The following SUGCT variants were observed in gnomAD, a reference collection of about 807,000 sequenced individuals.
SUGCT encodes succinyl-CoA:glutarate-CoA transferase, also known as succinyl-CoA:glutarate CoA-transferase.
SUGCT carries 41 observed loss-of-function variants against 55.0 expected under a neutral mutation model. The ratio of observed to expected loss-of-function variants is 0.74; its 90% CI spans 0.58 to 0.97. The LOEUF (loss-of-function observed/expected upper bound fraction) is 0.97. Ranked by LOEUF, SUGCT falls within the 50% of genes least tolerant of loss-of-function variation. The pLI, the probability that SUGCT is intolerant of heterozygous loss-of-function variation, is 0.00. For synonymous variants in SUGCT, 187 were observed against 200.4 expected, an observed-to-expected ratio of 0.93 and a Z score of 0.56; for missense variants, 568 against 547.8, an observed-to-expected ratio of 1.04 and a Z score of -0.37.
intron 13 of SUGCT, among the ~76,000 whole-genome samples, chr7:40,845,877 T>C (rs1210040424): frequency 2.0e-5 from 3 of 152,194 alleles, no homozygotes; most frequent in African/African-American, 4.8e-5. Flanking sequence ...TCTTTTACTA[T>C]AGTGACTAAA....
chr7:40,426,914 A>G (rs1787618177), intron 9 of SUGCT, among the ~76,000 whole-genome samples: 1 of 152,080 alleles, frequency 6.6e-6, no homozygotes, highest in Admixed American at 6.6e-5. Flanking sequence ...GCTGGACTCT[A>G]GCAATCCTCC....
chr7:40,934,361 C>G, the SUGCT span, among the ~76,000 whole-genome samples: 1 of 152,202 alleles, frequency 6.6e-6, no homozygotes, highest in Non-Finnish European at 1.5e-5. Context: ...TCGGCCCCTA[C>G]TGGGAGGTGT....
At chr7:40,423,757 A>G (rs997831395) in intron 9 of SUGCT, among the ~76,000 whole-genome samples, 1 of 152,160 alleles carries the variant, frequency 6.6e-6, no homozygotes, top group Admixed American at 6.6e-5. Flanking sequence ...GTAATGGAAA[A>G]TTAATGTTGC....
intron 12 of SUGCT, among the ~76,000 whole-genome samples, chr7:40,544,841 G>A (rs538743706): frequency 5.9e-5 from 9 of 152,248 alleles, no homozygotes; most frequent in Admixed American, 5.2e-4. Flanking sequence ...CATGGTGTTC[G>A]TTATTCAATA....
At chr7:40,989,464 C>T in the SUGCT span, among the ~76,000 whole-genome samples, 1 of 152,138 alleles carries the variant, frequency 6.6e-6, no homozygotes, top group Non-Finnish European at 1.5e-5. Flanking sequence ...TTTCTTTGCT[C>T]ATCCATAAGA....
intron 6 of SUGCT, among the ~76,000 whole-genome samples, chr7:40,237,343 C>T (rs1337384680): frequency 6.6e-6 from 1 of 151,876 alleles, no homozygotes; most frequent in Admixed American, 6.6e-5. Context: ...ACTCGGGAGG[C>T]TGAGGAAGGA....
chr7:40,730,038 G>A (rs1786813468), intron 12 of SUGCT, among the ~76,000 whole-genome samples: 1 of 152,158 alleles, frequency 6.6e-6, no homozygotes, highest in South Asian at 2.1e-4. Flanking sequence ...TAATACAGAG[G>A]GTCCAGGGAA....
At chr7:40,258,314 G>A (rs1284944845) in intron 7 of SUGCT, among the ~76,000 whole-genome samples, 1 of 152,104 alleles carries the variant, frequency 6.6e-6, no homozygotes, top group African/African-American at 2.4e-5. Flanking sequence ...TCTGTCATTT[G>A]GTGTAACGTT....
the SUGCT span, among the ~76,000 whole-genome samples, chr7:40,959,947 G>A: frequency 6.6e-6 from 1 of 152,130 alleles, no homozygotes; most frequent in Non-Finnish European, 1.5e-5. Flanking sequence ...GACCCCTTGT[G>A]CTCTCTGGGT....
chr7:41,008,217 C>T, the SUGCT span, among the ~76,000 whole-genome samples: 1 of 152,220 alleles, frequency 6.6e-6, no homozygotes, highest in East Asian at 1.9e-4. Flanking sequence ...TGTTCTGATT[C>T]TTCCTGGTTC....
chr7:40,147,825 G>T (rs1788342912), intron 1 of SUGCT, among the ~76,000 whole-genome samples: 2 of 152,212 alleles, frequency 1.3e-5, no homozygotes, highest in African/African-American at 2.4e-5. Flanking sequence ...CCCCCAAATT[G>T]TTATAAAGTT....
Position 40,161,317 on chromosome 7 carries a change from T to G in SUGCT, c.101-19630T>G, listed in dbSNP as rs535887095. ...CTTCCAAGCTGCCTCTTCCTTTCCC[T>G]TCTATTCCTCCGTGTTAAATATCTA... On this transcript the variant is annotated intron_variant, in intron 1 of 13. Coordinates refer to ENST00000335693, the MANE Select transcript of SUGCT (RefSeq NM_001193313.2). Among the ~76,000 whole-genome samples the G allele has an allele frequency of 2.6e-5, 4 of 152,318 alleles. No individual in the cohort carries two copies. The East Asian group carries it at 7.7e-4, about 29-fold the overall frequency.
chr7:40,896,846 T>C, the SUGCT span, among the ~76,000 whole-genome samples: 6 of 151,970 alleles, frequency 3.9e-5, no homozygotes, highest in African/African-American at 9.7e-5. Context: ...TCCACAGAAA[T>C]AGAAAAAACA....
intron 6 of SUGCT, among the ~76,000 whole-genome samples, chr7:40,221,318 G>A (rs1788008714): frequency 6.7e-6 from 1 of 150,234 alleles, no homozygotes; most frequent in Admixed American, 6.6e-5. Context: ...GGAGGGTGAG[G>A]CACAAGACTC....
At chr7:40,755,414 A>C (rs1303075640) in intron 13 of SUGCT, among the ~76,000 whole-genome samples, 2 of 152,246 alleles carry the variant, frequency 1.3e-5, no homozygotes, top group Non-Finnish European at 2.9e-5. Context: ...ACATCACAGC[A>C]TTTCTGCGAC....
At chr7:40,519,575 C>T (rs1010547873) in intron 12 of SUGCT, among the ~76,000 whole-genome samples, 9 of 151,552 alleles carry the variant, frequency 5.9e-5, no homozygotes, top group South Asian at 2.1e-4. Flanking sequence ...AAATTCTTGG[C>T]GCCAAGAAGA....
At chr7:40,282,947 G>A (rs1179869448) in intron 8 of SUGCT, among the ~76,000 whole-genome samples, 4 of 151,842 alleles carry the variant, frequency 2.6e-5, no homozygotes, top group Non-Finnish European at 5.9e-5. Flanking sequence ...AAAACATAGG[G>A]AAATAGCTTC....
chr7:40,196,641 G>A (rs1026485971), intron 6 of SUGCT, among the ~76,000 whole-genome samples: 24 of 152,136 alleles, frequency 1.6e-4, no homozygotes, highest in African/African-American at 4.6e-4. Flanking sequence ...AGCTACTGGC[G>A]AAGAGGGTTT....
At chr7:40,984,960 C>T in the SUGCT span, among the ~76,000 whole-genome samples, 1 of 152,150 alleles carries the variant, frequency 6.6e-6, no homozygotes, top group Admixed American at 6.5e-5. Context: ...AACCTTTGTT[C>T]TTCTAAATGA....
Sources: gnomAD v4.1 joint callset for allele counts (sites outside exome capture counted in the v4.1 genomes callset) on GRCh38, gnomAD v4.1.1 for gene constraint, MANE v1.5 for transcripts, NCBI Gene and HGNC (gene_info 2026-07-23, HGNC 2026-07-21) for gene names.